Variants in TRIO observed in about 807,000 individuals in gnomAD.
The protein encoded by TRIO is trio Rho guanine nucleotide exchange factor.
A neutral mutation model predicts 351.9 loss-of-function variants in TRIO; 58 were observed. That is an observed-to-expected ratio of 0.16 (90% CI 0.13 to 0.21). The LOEUF is 0.21. TRIO is among the 10% of genes least tolerant of loss of function. TRIO has a pLI of 1.00. For synonymous variants in TRIO, 1,758 were observed against 1,595.7 expected (o/e 1.10, Z -2.42); for missense variants, 3,201 against 4,027.8 (o/e 0.79, Z 5.56).
intron 26 of TRIO, among the ~76,000 whole-genome samples, chr5:14,390,624 G>A (rs1008419398): frequency 6.2e-4 from 95 of 152,248 alleles, no homozygotes; most frequent in African/African-American, 2.0e-3. Context: ...GTGAACGTGC[G>A]GTCATGCTGT....
intron 1 of TRIO, among the ~76,000 whole-genome samples, chr5:14,231,269 C>T (rs1700112070): frequency 3.3e-5 from 5 of 152,130 alleles, no homozygotes; most frequent in Admixed American, 2.0e-4. Flanking sequence ...AGTATTAAAG[C>T]TTGTGTTGAA....
At chr5:14,152,694 A>G (rs1482137904) in intron 1 of TRIO, among the ~76,000 whole-genome samples, 1 of 151,996 alleles carries the variant, frequency 6.6e-6, no homozygotes, top group Non-Finnish European at 1.5e-5. Flanking sequence ...GAGTCACTTC[A>G]CCTCCATCTA....
At chr5:14,477,180 G>T in intron 41 of TRIO, 2 of 519,748 alleles carry the variant, frequency 3.8e-6, no homozygotes, top group Non-Finnish European at 6.8e-6. Context: ...TATTTGGCTA[G>T]CAACAGTACA....
intron 4 of TRIO, among the ~76,000 whole-genome samples, chr5:14,289,344 C>G (rs1430302291): frequency 6.6e-6 from 1 of 151,694 alleles, no homozygotes; most frequent in African/African-American, 2.4e-5. Flanking sequence ...GAGGTTGCAC[C>G]ACTGCACTGC....
At chr5:14,243,614 T>C (rs1377298208) in intron 1 of TRIO, among the ~76,000 whole-genome samples, 6 of 152,204 alleles carry the variant, frequency 3.9e-5, no homozygotes, top group Non-Finnish European at 7.3e-5. Context: ...AAAAAAATTA[T>C]TCCATAGGAG....
intron 48 of TRIO, among the ~76,000 whole-genome samples, chr5:14,491,349 GC>G (rs1467174908): frequency 6.6e-6 from 1 of 152,206 alleles, no homozygotes; most frequent in African/African-American, 2.4e-5. Flanking sequence ...GCGTCGGAGA[GC>G]CCAGCAGAAG....
At chr5:14,498,308 T>C in intron 52 of TRIO, 57 bp downstream of exon 52, 1 of 1,591,418 alleles carries the variant, frequency 6.3e-7, no homozygotes, top group Admixed American at 1.7e-5. Context: ...TCTTGTCACT[T>C]GGCAACTGGA....
intron 1 of TRIO, among the ~76,000 whole-genome samples, chr5:14,248,950 A>G (rs1794593456): frequency 6.6e-6 from 1 of 152,184 alleles, no homozygotes; most frequent in Non-Finnish European, 1.5e-5. Flanking sequence ...CACCAGACTG[A>G]GAGCCCTCAA....
chr5:14,406,205 A>G (rs1271284367), intron 32 of TRIO: 1 of 713,892 alleles, frequency 1.4e-6, no homozygotes, highest in Non-Finnish European at 2.2e-6. Context: ...GCTGTGTGCA[A>G]ACCTCTCATT....
At chr5:14,150,865 TA>T (rs1346735755) in intron 1 of TRIO, among the ~76,000 whole-genome samples, 2 of 152,210 alleles carry the variant, frequency 1.3e-5, no homozygotes, top group Admixed American at 6.5e-5. Context: ...TAAAGATAGA[TA>T]GGGGGAAATA....
chr5:14,342,603 G>A (rs192721558), intron 11 of TRIO, among the ~76,000 whole-genome samples: 1 of 152,286 alleles, frequency 6.6e-6, no homozygotes, highest in Admixed American at 6.5e-5. Context: ...AGTCTCTCAT[G>A]CGCCCTGGAT....
chr5:14,178,896 G>A (rs574754655), intron 1 of TRIO, among the ~76,000 whole-genome samples: 1 of 152,300 alleles, frequency 6.6e-6, no homozygotes, highest in African/African-American at 2.4e-5. Context: ...CCTCCCCATA[G>A]CCTGGAGTGG....
At chr5:14,279,358 T>G (rs1001262988) in intron 2 of TRIO, among the ~76,000 whole-genome samples, 16 of 113,922 alleles carry the variant, frequency 1.4e-4, no homozygotes, top group African/African-American at 4.2e-4. Context: ...ATCTTCTGGG[T>G]TTTTTTTTAT....
intron 49 of TRIO, 136 bp downstream of exon 49, chr5:14,492,950 T>C (rs1756598941): frequency 2.2e-6 from 3 of 1,361,698 alleles, no homozygotes; most frequent in Admixed American, 2.7e-5. Context: ...GGCTCAGCTC[T>C]GAGCACGTGG....
chr5:14,478,786 CAAAAA>C (rs1187243670), intron 41 of TRIO, among the ~76,000 whole-genome samples: 3 of 95,002 alleles, frequency 3.2e-5, no homozygotes, highest in African/African-American at 1.2e-4. Context: ...TCCATCCCTA[CAAAAA>C]AAAAAAAAAA....
chr5:14,163,146 C>T (rs1199786534), intron 1 of TRIO, among the ~76,000 whole-genome samples: 1 of 152,148 alleles, frequency 6.6e-6, no homozygotes, highest in Non-Finnish European at 1.5e-5. Flanking sequence ...GGTATTAGTC[C>T]TTATGCCCTC....
intron 1 of TRIO, among the ~76,000 whole-genome samples, chr5:14,145,919 A>G (rs1260120284): frequency 1.3e-5 from 2 of 152,176 alleles, no homozygotes; most frequent in Non-Finnish European, 2.9e-5. Context: ...AGAACCAGGT[A>G]ATGTCTCACT....
intron 1 of TRIO, among the ~76,000 whole-genome samples, chr5:14,172,640 A>G (rs1789165945): frequency 1.3e-5 from 2 of 152,228 alleles, no homozygotes; most frequent in South Asian, 4.1e-4. Flanking sequence ...TATGCAGTGA[A>G]GTGCGGAATT....
At chr5:14,242,293 A>G (rs1011274160) in intron 1 of TRIO, among the ~76,000 whole-genome samples, 26 of 152,364 alleles carry the variant, frequency 1.7e-4, no homozygotes, top group Admixed American at 1.7e-3. Flanking sequence ...ATATGAATGT[A>G]TGTATTATAT....
Sources: allele counts gnomAD v4.1 joint callset (sites outside exome capture counted in the v4.1 genomes callset), GRCh38; gene constraint gnomAD v4.1.1; transcripts MANE v1.5; gene names NCBI Gene and HGNC (gene_info 2026-07-23, HGNC 2026-07-21).